Variants in SLC27A2 observed in about 807,000 individuals in gnomAD.
The protein encoded by SLC27A2 is long-chain fatty acid transport protein 2.
A neutral mutation model predicts 60.0 loss-of-function variants in SLC27A2; 54 were observed. The observed-to-expected ratio is 0.90, with a 90% confidence interval of 0.72 to 1.13. The LOEUF is 1.13. Ranked by LOEUF, SLC27A2 falls within the 50% of genes most tolerant of loss-of-function variation. The pLI is 0.00. For synonymous variants in SLC27A2, 297 were observed against 297.6 expected (o/e 1.00, Z 0.02); for missense variants, 739 against 777.6 (o/e 0.95, Z 0.59).
At chr15:50,211,910 A>G (rs1417054480) in intron 4 of SLC27A2, among the ~76,000 whole-genome samples, 3 of 139,924 alleles carry the variant, frequency 2.1e-5, no homozygotes, top group African/African-American at 8.4e-5. Context: ...TCTCTACTAA[A>G]AATACAAAAA....
At chr15:50,188,417 C>T (rs2044943273) in intron 1 of SLC27A2, among the ~76,000 whole-genome samples, 2 of 152,116 alleles carry the variant, frequency 1.3e-5, no homozygotes, top group Non-Finnish European at 2.9e-5. Context: ...CTCAGAGAGT[C>T]CAAAGAATGG....
chr15:50,183,069 A>G (rs1011680180), intron 1 of SLC27A2, among the ~76,000 whole-genome samples, 164 bp downstream of exon 1: 2 of 152,236 alleles, frequency 1.3e-5, no homozygotes, highest in African/African-American at 4.8e-5. Flanking sequence ...ATGATCTTTT[A>G]GGACCACCTG....
intron 2 of SLC27A2, among the ~76,000 whole-genome samples, chr15:50,200,415 CAAA>C (rs1369550231): frequency 2.8e-5 from 1 of 35,644 alleles, no homozygotes. Flanking sequence ...AAGCCTATCT[CAAA>C]AATAATAATA....
rs1370750375 is a variant in SLC27A2 at position 50,220,265 on chromosome 15, C to T, written c.973-2700C>T. 3.3e-5 allele frequency among the ~76,000 whole-genome samples: 5 copies of T among 152,304 alleles called. 1 individual carries two copies. Among genetic ancestry groups the T allele is most frequent in the Middle Eastern group, 6.8e-3 (2 of 294 alleles). Reference sequence around the variant, plus strand: ...GCCTGCGGCCTCCTGCACCCTAAGCCCTGCCCTGACCTGGCCACTAATTAT... The same window carrying T: ...GCCTGCGGCCTCCTGCACCCTAAGCTCTGCCCTGACCTGGCCACTAATTAT... On this transcript the variant is annotated intron_variant, in intron 4 of 9. Coordinates refer to ENST00000267842, the MANE Select transcript of SLC27A2 (RefSeq NM_003645.4).
At chr15:50,210,619 A>G (rs988705964) in intron 4 of SLC27A2, among the ~76,000 whole-genome samples, 6 of 152,194 alleles carry the variant, frequency 3.9e-5, no homozygotes, top group Non-Finnish European at 8.8e-5. Context: ...GATAATTTGA[A>G]CGGGGCAAGA....
intron 3 of SLC27A2, among the ~76,000 whole-genome samples, chr15:50,204,462 G>GCA (rs2045092340): frequency 6.6e-6 from 1 of 150,930 alleles, no homozygotes; most frequent in Non-Finnish European, 1.5e-5. Context: ...GGCCAGGTAC[G>GCA]GTGGCTCACG....
chr15:50,206,024 G>T (rs1321131196), intron 4 of SLC27A2, among the ~76,000 whole-genome samples: 1 of 152,164 alleles, frequency 6.6e-6, no homozygotes, highest in Non-Finnish European at 1.5e-5. Flanking sequence ...TTCAGCTCTC[G>T]ATGGGGTTGT....
chr15:50,195,291 C>T (rs2045004242), intron 1 of SLC27A2, among the ~76,000 whole-genome samples: 2 of 149,816 alleles, frequency 1.3e-5, no homozygotes, highest in Non-Finnish European at 3.0e-5. Flanking sequence ...ACAGTGAAAC[C>T]CCGTCTCTAC....
chr15:50,205,280 T>C lies in SLC27A2; in HGVS notation c.889T>C (p.Phe297Leu). ...ALRTKFSASQ[F>L]WDDCRKYNVT... Reference sequence around the variant, plus strand: ...GCGGACTAAATTTTCAGCCAGCCAGTTTTGGGATGACTGCAGAAAATACAA... The same window carrying C: ...GCGGACTAAATTTTCAGCCAGCCAGCTTTGGGATGACTGCAGAAAATACAA... The change falls in exon 4 of 10, where the codon TTT becomes CTT. Residue 297 changes from phenylalanine to leucine, a missense_variant. Coordinates refer to ENST00000267842, the MANE Select transcript of SLC27A2 (RefSeq NM_003645.4). 1 of 1,608,900 alleles carries C rather than the reference T, an allele frequency of 6.2e-7. No homozygotes were observed.
intron 4 of SLC27A2, among the ~76,000 whole-genome samples, chr15:50,221,436 C>T (rs76985317): frequency 1.3e-5 from 2 of 152,112 alleles, no homozygotes; most frequent in Non-Finnish European, 1.5e-5. Flanking sequence ...CTCAAAAAGC[C>T]GCATATGTTC....
At chr15:50,187,014 A>G (rs2044930537) in intron 1 of SLC27A2, among the ~76,000 whole-genome samples, 1 of 152,236 alleles carries the variant, frequency 6.6e-6, no homozygotes. Flanking sequence ...AAGGACCAGC[A>G]CAGAGGCATT....
At chr15:50,227,266 G>A in intron 7 of SLC27A2, 88 bp downstream of exon 7, 2 of 993,324 alleles carry the variant, frequency 2.0e-6, no homozygotes, top group South Asian at 1.5e-5. Context: ...TTTGGTTATG[G>A]TGCATTTCCT....
At chr15:50,212,210 G>A (rs7165671) in intron 4 of SLC27A2, among the ~76,000 whole-genome samples, 9 of 151,630 alleles carry the variant, frequency 5.9e-5, no homozygotes, top group Non-Finnish European at 1.0e-4. Context: ...TTCAGAGCTC[G>A]AAGTCAAGGT....
At chr15:50,218,170 C>T (rs1344899809) in intron 4 of SLC27A2, among the ~76,000 whole-genome samples, 1 of 149,336 alleles carries the variant, frequency 6.7e-6, no homozygotes, top group Non-Finnish European at 1.5e-5. Context: ...GAATAGTGTA[C>T]TGTTTTAAAA....
At chr15:50,228,785 A>G (rs1410401402) in intron 7 of SLC27A2, among the ~76,000 whole-genome samples, 160 bp from the exon 8 acceptor site, 1 of 152,202 alleles carries the variant, frequency 6.6e-6, no homozygotes, top group Non-Finnish European at 1.5e-5. Flanking sequence ...GCCTCAAACA[A>G]GATACCCCGG....
At chr15:50,189,177 T>A (rs777420227) in intron 1 of SLC27A2, among the ~76,000 whole-genome samples, 1 of 152,106 alleles carries the variant, frequency 6.6e-6, no homozygotes, top group South Asian at 2.1e-4. Context: ...TGAAAAATGA[T>A]GTAACAAAAT....
chr15:50,196,076 AAATATATATATATATATATATAT>A (rs1372902040), intron 1 of SLC27A2, among the ~76,000 whole-genome samples: 4 of 17,748 alleles, frequency 2.3e-4, no homozygotes, highest in African/African-American at 7.5e-4. Context: ...AAAAAAAAAA[AAATATATATATATATATATATAT>A]ATATATATAT....
At chr15:50,226,116 C>G (rs1449384362) in intron 6 of SLC27A2, 38 bp downstream of exon 6, 7 of 1,278,342 alleles carry the variant, frequency 5.5e-6, no homozygotes, top group Admixed American at 5.2e-5. Context: ...TGTGCCCCTT[C>G]TTATCTTGAT....
At position 50,227,022 on chromosome 15, in the gene SLC27A2, C is replaced by A; in HGVS notation, c.1301C>A (p.Pro434Gln). ...LLVCKITQLTPFNGYAGAKAQ... is the reference protein window; with the variant it reads ...LLVCKITQLTQFNGYAGAKAQ... ...GTTTGCAAAATCACACAACTTACAC[C>A]ATTTAATGGCTATGCTGGAGCAAAG... is the stretch of plus-strand genomic sequence containing the variant. The change falls in exon 7 of 10, where the codon CCA becomes CAA. Residue 434 changes from proline (P) to glutamine (Q), a missense_variant. Coordinates refer to ENST00000267842, the MANE Select transcript of SLC27A2 (RefSeq NM_003645.4). 1 of 1,614,128 alleles carries A rather than the reference C, an allele frequency of 6.2e-7. No individual in the cohort carries two copies. The highest frequency in any genetic ancestry group is 8.5e-7 in the Non-Finnish European group (1 of 1,180,016).
Sources: gnomAD v4.1 joint callset for allele counts (sites outside exome capture counted in the v4.1 genomes callset) on GRCh38, gnomAD v4.1.1 for gene constraint, MANE v1.5 for transcripts, NCBI Gene and HGNC (gene_info 2026-07-23, HGNC 2026-07-21) for gene names.